Variants in MEGF11 observed in about 807,000 individuals in gnomAD.
MEGF11 encodes multiple epidermal growth factor-like domains protein 11.
MEGF11 carries 126 observed loss-of-function variants against 146.6 expected under a neutral mutation model. That is an observed-to-expected ratio of 0.86 (90% CI 0.74 to 1.00). The LOEUF is 1.00. MEGF11 is among the 50% of genes least tolerant of loss of function. The pLI, the probability that MEGF11 is intolerant of heterozygous loss-of-function variation, is 0.00. For missense variants in MEGF11, 1,509 were observed against 1,521.2 expected (o/e 0.99, Z 0.13); for synonymous variants, 532 against 583.4 (o/e 0.91, Z 1.27).
At chr15:66,015,143 T>G (rs1208515837) in intron 5 of MEGF11, among the ~76,000 whole-genome samples, 1 of 152,074 alleles carries the variant, frequency 6.6e-6, no homozygotes, top group Non-Finnish European at 1.5e-5. Flanking sequence ...CGGCACACAG[T>G]TATCTGTGGA....
chr15:66,245,546 A>G (rs2092284340), intron 1 of MEGF11, among the ~76,000 whole-genome samples: 3 of 151,586 alleles, frequency 2.0e-5, no homozygotes. Flanking sequence ...GCGGGAAGAT[A>G]GCTTGAGCCC....
chr15:66,243,221 C>G (rs1165914846), intron 1 of MEGF11, among the ~76,000 whole-genome samples: 1 of 152,200 alleles, frequency 6.6e-6, no homozygotes, highest in Non-Finnish European at 1.5e-5. Context: ...GCTGCCCTGC[C>G]CCACCCTGCA....
chr15:66,181,979 A>G (rs2141154717), intron 1 of MEGF11, among the ~76,000 whole-genome samples: 2 of 152,132 alleles, frequency 1.3e-5, no homozygotes, highest in Middle Eastern at 6.9e-3. Context: ...GCCCCACCAA[A>G]CCAGCACAGA....
chr15:65,904,985 C>T (rs756681080), intron 24 of MEGF11, among the ~76,000 whole-genome samples: 2 of 152,164 alleles, frequency 1.3e-5, no homozygotes, highest in Admixed American at 6.5e-5. Flanking sequence ...CTTTGCCTCC[C>T]GGCTTCAAGC....
chr15:66,123,815 G>C lies in MEGF11; in HGVS notation c.200+84C>G, dbSNP rs527446520. On this transcript the variant is annotated intron_variant, in intron 3 of 25. Transcript: ENST00000395614. Reference sequence around the variant, plus strand: ...GAGGCGCGTGACAACATCTGCTCCAGCGGCCTTTTTCTAACTTGCACAGAG... The same window carrying C: ...GAGGCGCGTGACAACATCTGCTCCACCGGCCTTTTTCTAACTTGCACAGAG... 2.8e-5 allele frequency: 30 copies of C among 1,063,774 alleles called. No individual in the cohort carries two copies. In the African/African-American group the frequency reaches 4.5e-4, roughly 16 times the overall value. 65.9% of individuals were successfully genotyped at this position (1,063,774 alleles called of 1,614,324 possible).
rs1319015003 is a variant in MEGF11 at position 66,180,889 on chromosome 15, G to A, written c.-8-52478C>T. On this transcript the variant is annotated intron_variant, in intron 1 of 25. Transcript: ENST00000395614. Reference sequence around the variant, plus strand: ...GGCTGCCTGGTCCAGGCCCCTAATCGGCCCTGGCTGTGACCCTGTGCCCAC... The same window carrying A: ...GGCTGCCTGGTCCAGGCCCCTAATCAGCCCTGGCTGTGACCCTGTGCCCAC... Among the ~76,000 whole-genome samples, 6 of 152,070 alleles carry A rather than the reference G, an allele frequency of 3.9e-5. 1 individual carries two copies. The East Asian group carries it at 1.2e-3, about 29-fold the overall frequency.
chr15:66,112,771 T>C (rs527305144), intron 4 of MEGF11, among the ~76,000 whole-genome samples: 16 of 152,246 alleles, frequency 1.1e-4, no homozygotes, highest in African/African-American at 3.6e-4. Flanking sequence ...TCTCAAACTG[T>C]TGGAAGAAAA....
intron 10 of MEGF11, among the ~76,000 whole-genome samples, chr15:65,940,580 A>C (rs564736618): frequency 1.3e-5 from 2 of 152,272 alleles, no homozygotes; most frequent in Non-Finnish European, 2.9e-5. Flanking sequence ...TTGGTGCGTC[A>C]CTGATAAAGC....
chr15:65,931,895 C>T (rs1567163514), intron 10 of MEGF11, among the ~76,000 whole-genome samples: 1 of 152,224 alleles, frequency 6.6e-6, no homozygotes, highest in Non-Finnish European at 1.5e-5. Context: ...TCTCACCTAA[C>T]AGATAACTGC....
At chr15:65,966,750 A>G (rs1596924305) in intron 8 of MEGF11, among the ~76,000 whole-genome samples, 1 of 152,126 alleles carries the variant, frequency 6.6e-6, no homozygotes, top group East Asian at 1.9e-4. Context: ...CATAAGGATA[A>G]TTATTCAACT....
At chr15:66,249,880 C>T (rs1392669882) in intron 1 of MEGF11, among the ~76,000 whole-genome samples, 1 of 152,208 alleles carries the variant, frequency 6.6e-6, no homozygotes, top group Non-Finnish European at 1.5e-5. Flanking sequence ...AATCACTAGT[C>T]TGCAAGGAAG....
At chr15:66,129,416 A>G (rs2088547970) in intron 1 of MEGF11, among the ~76,000 whole-genome samples, 1 of 152,390 alleles carries the variant, frequency 6.6e-6, no homozygotes, top group East Asian at 1.9e-4. Flanking sequence ...TCAGAAAGAC[A>G]GAACTATTTT....
rs530222963 is a variant in MEGF11 at position 65,916,570 on chromosome 15, G to C, written c.2215+258C>G. 461 of 699,632 alleles carry C rather than the reference G, an allele frequency of 6.6e-4. 9 individuals carry two copies. The South Asian group carries it at 7.9e-3, about 12-fold the overall frequency. 43.3% of individuals were successfully genotyped at this position (699,632 alleles called of 1,614,324 possible). ...ACTCTGGGCCCCACTGTCCAAGGAAGGTCTGGTCTTGGTGATTGCTGGAGT... is the reference window on the plus strand; with the variant it reads ...ACTCTGGGCCCCACTGTCCAAGGAACGTCTGGTCTTGGTGATTGCTGGAGT... On this transcript the variant is annotated intron_variant, in intron 17 of 25. Coordinates refer to ENST00000395614, the MANE Select transcript of MEGF11 (RefSeq NM_001385028.1).
chr15:65,916,195 C>T lies in MEGF11; in HGVS notation c.2297G>A (p.Gly766Asp). 3 of 1,582,244 alleles carry T rather than the reference C, an allele frequency of 1.9e-6. No individual in the cohort carries two copies. The highest frequency in any genetic ancestry group is 1.8e-5 in the Admixed American group (1 of 55,356). ...QNGASCDHIS[G>D]KCTCRTGFTG... ...GAAGCCTGTGCGGCAGGTGCACTTG[C>T]CACTGATGTGGTCACAGCTGGCGCC... is the stretch of plus-strand genomic sequence containing the variant. Residue 766 changes from glycine (G) to aspartate (D), a missense_variant, in exon 18 of 26, where the codon GGC (glycine) becomes GAC (aspartate). Transcript: ENST00000395614.
At chr15:65,954,117 C>T (rs1395059298) in intron 10 of MEGF11, among the ~76,000 whole-genome samples, 1 of 152,094 alleles carries the variant, frequency 6.6e-6, no homozygotes. Context: ...CAAGGTAAAG[C>T]GACATGTCCA....
At chr15:66,029,160 T>G (rs2083435495) in intron 5 of MEGF11, among the ~76,000 whole-genome samples, 1 of 152,084 alleles carries the variant, frequency 6.6e-6, no homozygotes, top group Admixed American at 6.5e-5. Context: ...TGCCTTGTTT[T>G]TTTTTTTGGG....
intron 9 of MEGF11, among the ~76,000 whole-genome samples, chr15:65,960,954 C>CTT (rs76210418): frequency 4.7e-5 from 7 of 147,434 alleles, no homozygotes; most frequent in East Asian, 2.0e-4. Flanking sequence ...AAAATCATTC[C>CTT]TTTTTTTTTT....
intron 5 of MEGF11, among the ~76,000 whole-genome samples, chr15:66,006,550 G>C (rs951271421): frequency 6.6e-6 from 1 of 152,202 alleles, no homozygotes; most frequent in Admixed American, 6.5e-5. Context: ...ATTCCAGACA[G>C]AGACTCCTAG....
chr15:66,047,577 C>T (rs1414354001), intron 5 of MEGF11, among the ~76,000 whole-genome samples: 1 of 152,238 alleles, frequency 6.6e-6, no homozygotes, highest in Non-Finnish European at 1.5e-5. Context: ...AAGAATAACA[C>T]CTGGTGTCTA....
Sources: allele counts gnomAD v4.1 joint callset (sites outside exome capture counted in the v4.1 genomes callset), GRCh38; gene constraint gnomAD v4.1.1; transcripts MANE v1.5; gene names NCBI Gene and HGNC (gene_info 2026-07-23, HGNC 2026-07-21).